LCLAT1: variants seen among roughly 807,000 people sequenced by gnomAD.
LCLAT1 encodes the protein lysocardiolipin acyltransferase 1.
In LCLAT1, 11 loss-of-function variants were observed where a neutral mutation model predicts 30.7. That is an observed-to-expected ratio of 0.36 (90% CI 0.23 to 0.59). LCLAT1 has a LOEUF of 0.59. LCLAT1 is among the 20% of genes least tolerant of loss of function. The pLI is 0.77. For missense variants in LCLAT1, 402 were observed against 458.6 expected (o/e 0.88, Z 1.13); for synonymous variants, 155 against 151.3 (o/e 1.02, Z -0.18).
At chr2:30,545,112 C>A (rs868524778) in intron 3 of LCLAT1, among the ~76,000 whole-genome samples, 3 of 152,020 alleles carry the variant, frequency 2.0e-5, no homozygotes, top group African/African-American at 4.8e-5. Context: ...TTTAGAACCT[C>A]GAAAGCAAAC....
chr2:30,568,198 T>C, intron 5 of LCLAT1, 22 bp downstream of exon 5: 1 of 1,383,558 alleles, frequency 7.2e-7, no homozygotes. Flanking sequence ...TTTCAAAATG[T>C]ACTTTTTAAT....
At chr2:30,617,070 C>T (rs1442899840) in intron 5 of LCLAT1, among the ~76,000 whole-genome samples, 1 of 152,102 alleles carries the variant, frequency 6.6e-6, no homozygotes, top group African/African-American at 2.4e-5. Context: ...AAAATGTACT[C>T]ATTTTAAGTG....
At chr2:30,599,358 T>C (rs1178706392) in intron 5 of LCLAT1, among the ~76,000 whole-genome samples, 3 of 152,212 alleles carry the variant, frequency 2.0e-5, no homozygotes, top group Admixed American at 1.3e-4. Flanking sequence ...TTCAGTACTT[T>C]TGCACTTGCT....
chr2:30,495,721 A>G (rs1684076269), intron 1 of LCLAT1, among the ~76,000 whole-genome samples: 1 of 152,140 alleles, frequency 6.6e-6, no homozygotes, highest in Non-Finnish European at 1.5e-5. Flanking sequence ...TGGATGGATT[A>G]CACAGGTGTG....
intron 5 of LCLAT1, 108 bp from the exon 6 acceptor site, chr2:30,640,009 C>A: frequency 1.3e-6 from 1 of 798,136 alleles, no homozygotes; most frequent in South Asian, 1.7e-5. Context: ...CATTGTGGTT[C>A]ACACTGTCCT....
At chr2:30,639,691 C>T (rs376498724) in intron 5 of LCLAT1, among the ~76,000 whole-genome samples, 1 of 152,098 alleles carries the variant, frequency 6.6e-6, no homozygotes, top group Non-Finnish European at 1.5e-5. Context: ...CAGTAGCTAT[C>T]GTGGTAACAT....
intron 1 of LCLAT1, among the ~76,000 whole-genome samples, chr2:30,500,121 G>C (rs1684303963): frequency 6.6e-6 from 1 of 152,074 alleles, no homozygotes; most frequent in South Asian, 2.1e-4. Flanking sequence ...CGAATTCCAT[G>C]GTTGATAGAA....
intron 1 of LCLAT1, among the ~76,000 whole-genome samples, chr2:30,496,794 C>A (rs531937661): frequency 6.6e-6 from 1 of 152,204 alleles, no homozygotes; most frequent in East Asian, 1.9e-4. Flanking sequence ...ACGTACCTGC[C>A]CAGGGATGCG....
chr2:30,595,791 C>T (rs893969961), intron 5 of LCLAT1, among the ~76,000 whole-genome samples: 2 of 152,154 alleles, frequency 1.3e-5, no homozygotes, highest in Admixed American at 6.5e-5. Context: ...TGCTTTCCCC[C>T]ACTCCCACCC....
chr2:30,526,733 A>G (rs1685739219), intron 2 of LCLAT1, among the ~76,000 whole-genome samples: 1 of 152,214 alleles, frequency 6.6e-6, no homozygotes, highest in South Asian at 2.1e-4. Context: ...TGCAGTGATG[A>G]ACAGGACAGA....
intron 2 of LCLAT1, among the ~76,000 whole-genome samples, chr2:30,529,469 T>A (rs752474795): frequency 8.5e-5 from 13 of 152,224 alleles, no homozygotes; most frequent in Non-Finnish European, 1.2e-4. Context: ...GTTCCTTTTA[T>A]TTTTGGACCA....
intron 5 of LCLAT1, among the ~76,000 whole-genome samples, chr2:30,615,680 T>C (rs1667962573): frequency 6.6e-6 from 1 of 152,118 alleles, no homozygotes; most frequent in African/African-American, 2.4e-5. Flanking sequence ...AAAAAGTCTT[T>C]CTCCATAAGA....
At chr2:30,488,174 T>A (rs1318745684) in intron 1 of LCLAT1, among the ~76,000 whole-genome samples, 1 of 152,252 alleles carries the variant, frequency 6.6e-6, no homozygotes, top group African/African-American at 2.4e-5. Context: ...GTAGTTGTAG[T>A]TACTACAGTA....
chr2:30,554,975 A>G (rs1664850872), intron 3 of LCLAT1, among the ~76,000 whole-genome samples: 1 of 116,314 alleles, frequency 8.6e-6, no homozygotes, highest in Non-Finnish European at 1.9e-5. Context: ...TCTATATTAA[A>G]GAAAGATTCA....
At chr2:30,454,897 G>C (rs1456698815) in intron 1 of LCLAT1, among the ~76,000 whole-genome samples, 2 of 152,202 alleles carry the variant, frequency 1.3e-5, no homozygotes, top group Admixed American at 6.5e-5. Flanking sequence ...GAGTGCCAGA[G>C]TGACCTTATT....
intron 2 of LCLAT1, among the ~76,000 whole-genome samples, chr2:30,528,499 G>C (rs1490034719): frequency 1.3e-5 from 2 of 152,192 alleles, no homozygotes; most frequent in Non-Finnish European, 2.9e-5. Flanking sequence ...GTTCTCTGCT[G>C]AGTGTGATTC....
intron 1 of LCLAT1, among the ~76,000 whole-genome samples, chr2:30,524,597 C>T (rs1306017630): frequency 1.3e-5 from 2 of 152,240 alleles, no homozygotes; most frequent in African/African-American, 2.4e-5. Flanking sequence ...ATGCCTCTCT[C>T]GTCGCATCCA....
At chr2:30,502,419 C>T (rs1436645289) in intron 1 of LCLAT1, among the ~76,000 whole-genome samples, 5 of 152,034 alleles carry the variant, frequency 3.3e-5, no homozygotes, top group Non-Finnish European at 7.4e-5. Context: ...CTGTACAGGT[C>T]AATTGTTTTT....
chr2:30,552,949 T>C (rs1044501623), intron 3 of LCLAT1, among the ~76,000 whole-genome samples: 7 of 152,216 alleles, frequency 4.6e-5, no homozygotes, highest in African/African-American at 1.7e-4. Flanking sequence ...TTGAAAATAA[T>C]GTCGAAGGAG....
Sources: allele counts gnomAD v4.1 joint callset (sites outside exome capture counted in the v4.1 genomes callset), GRCh38; gene constraint gnomAD v4.1.1; transcripts MANE v1.5; gene names NCBI Gene and HGNC (gene_info 2026-07-23, HGNC 2026-07-21).